WDR83: variants seen among roughly 807,000 people sequenced by gnomAD.
The protein encoded by WDR83 is WD repeat domain-containing protein 83.
WDR83 carries 37 observed loss-of-function variants against 37.7 expected under a neutral mutation model. The observed-to-expected ratio is 0.98, with a 90% confidence interval of 0.76 to 1.29. The LOEUF is 1.29. WDR83 is among the 50% of genes most tolerant of loss of function. WDR83 has a pLI of 0.00. For synonymous variants in WDR83, 174 were observed against 181.1 expected, an observed-to-expected ratio of 0.96 and a Z score of 0.31; for missense variants, 445 against 414.4, an observed-to-expected ratio of 1.07 and a Z score of -0.64.
chr19:12,670,371 G>GTCCCC, intron 5 of WDR83, 86 bp downstream of exon 5: 2 of 1,529,564 alleles, frequency 1.3e-6, no homozygotes, highest in Non-Finnish European at 1.8e-6. Flanking sequence ...CCATTACACC[G>GTCCCC]TAAGGATCCC....
chr19:12,666,934 T>C lies in WDR83; in HGVS notation c.-215T>C, dbSNP rs981897247. On this transcript the variant is annotated 5_prime_UTR_variant, in exon 1 of 11. Transcript: ENST00000418543. ...AAGGTGACACTGGCGTCTCACGGGC[T>C]ATGAAGACGGAATGCCTCTTAATGC... The C allele has an allele frequency of 3.5e-6, 2 of 571,770 alleles. No individual in the cohort carries two copies. Among genetic ancestry groups the C allele is most frequent in the African/African-American group, 3.9e-5 (2 of 51,740 alleles). The allele number at this position is 571,770 out of a possible 1,614,324, so 35.4% of individuals were successfully genotyped here. A position where few individuals can be genotyped will look rare whatever the true frequency, so the allele number is the denominator to read the frequency against.
At chr19:12,671,671 A>C (rs189427743) in intron 7 of WDR83, among the ~76,000 whole-genome samples, 8 of 152,302 alleles carry the variant, frequency 5.3e-5, no homozygotes, top group African/African-American at 1.7e-4. Context: ...AAATTAAATA[A>C]ATAAATACAT....
At chr19:12,669,186 G>T in intron 2 of WDR83, 1 of 1,614,148 alleles carries the variant, frequency 6.2e-7, no homozygotes, top group Non-Finnish European at 8.5e-7. Flanking sequence ...GTAGTCCGGC[G>T]TCGGGTCGTC....
In WDR83 at chr19:12,670,290, G is replaced by A. The variant is rs758603662; in HGVS notation, c.330+5G>A. 19 of 1,612,974 alleles carry A rather than the reference G, an allele frequency of 1.2e-5. No individual in the cohort carries two copies. In the Admixed American group the frequency reaches 2.2e-4, roughly 18 times the overall value. ...AAATTCCGGGGCCACGCAGGGGTGAGTGAAAGCCTGGAGACCCTCATTTGA... is the reference window on the plus strand; with the variant it reads ...AAATTCCGGGGCCACGCAGGGGTGAATGAAAGCCTGGAGACCCTCATTTGA... On this transcript the variant is annotated splice_donor_5th_base_variant and intron_variant, in intron 5 of 10. Coordinates refer to ENST00000418543, the MANE Select transcript of WDR83 (RefSeq NM_001099737.3).
chr19:12,674,738 T>C (rs2024520154), intron 10 of WDR83, among the ~76,000 whole-genome samples: 2 of 151,936 alleles, frequency 1.3e-5, no homozygotes, highest in Admixed American at 1.3e-4. Context: ...CCAAACATGG[T>C]AGTGGCAGAA....
rs757880389 is a variant in WDR83 at position 12,670,285 on chromosome 19, GGTGA to G, written c.330+5_330+8del. On this transcript the variant is annotated splice_donor_variant and splice_donor_region_variant and intron_variant, in intron 5 of 10. Coordinates refer to ENST00000418543, the MANE Select transcript of WDR83 (RefSeq NM_001099737.3). LOFTEE classifies it high-confidence loss of function. ...TGCGCAAATTCCGGGGCCACGCAGGGGTGAGTGAAAGCCTGGAGACCCTCATTTG... is the reference window on the plus strand; with the variant it reads ...TGCGCAAATTCCGGGGCCACGCAGGGGTGAAAGCCTGGAGACCCTCATTTG... The G allele has an allele frequency of 5.0e-6, 8 of 1,613,664 alleles. No individual in the cohort carries two copies. The highest frequency in any genetic ancestry group is 1.7e-4 in the Middle Eastern group (1 of 6,060).
At chr19:12,667,239 G>A (rs1173719179) in intron 1 of WDR83, among the ~76,000 whole-genome samples, 6 of 152,188 alleles carry the variant, frequency 3.9e-5, no homozygotes, top group African/African-American at 1.4e-4. Flanking sequence ...GTTCCGGAGA[G>A]AAAAGAGGGT....
At chr19:12,674,074 C>T (rs1042016175) in intron 10 of WDR83, among the ~76,000 whole-genome samples, 6 of 152,174 alleles carry the variant, frequency 3.9e-5, no homozygotes, top group Admixed American at 2.0e-4. Context: ...GTGTAGCCTG[C>T]GCATGCATCA....
chr19:12,668,048 C>A, intron 1 of WDR83: 1 of 324,892 alleles, frequency 3.1e-6, no homozygotes, highest in Non-Finnish European at 6.0e-6. Context: ...GAGGAACACC[C>A]CACTGAACAG....
chr19:12,670,904 C>T lies in WDR83; in HGVS notation c.506+83C>T, dbSNP rs935818672. 21 of 1,528,332 alleles carry T rather than the reference C, an allele frequency of 1.4e-5. No homozygotes were observed. The African/African-American group carries it at 2.2e-4, about 16-fold the overall frequency. The allele number at this position is 1,528,332 out of a possible 1,614,324, so 94.7% of individuals were successfully genotyped here. ...CCATGCTCAGATTAAAACCTACTCT[C>T]AGCTGGGCACAGTGGCACACAGCTG... is the stretch of plus-strand genomic sequence containing the variant. On this transcript the variant is annotated intron_variant, in intron 7 of 10. Coordinates refer to ENST00000418543, the MANE Select transcript of WDR83 (RefSeq NM_001099737.3).
chr19:12,674,084 A>G (rs1344865875), intron 10 of WDR83, among the ~76,000 whole-genome samples: 1 of 152,214 alleles, frequency 6.6e-6, no homozygotes, highest in Non-Finnish European at 1.5e-5. Context: ...CGCATGCATC[A>G]GTCAGGAAAC....
intron 10 of WDR83, 74 bp from the exon 11 acceptor site, chr19:12,675,449 G>T: frequency 6.4e-7 from 1 of 1,554,758 alleles, no homozygotes; most frequent in Non-Finnish European, 8.7e-7. Context: ...ACTGAGATGG[G>T]GGGTGCCCAG....
chr19:12,669,191 G>A (rs1599365248), intron 2 of WDR83: 1 of 1,614,054 alleles, frequency 6.2e-7, no homozygotes. Flanking sequence ...CCGGCGTCGG[G>A]TCGTCCAAGG....
intron 5 of WDR83, 80 bp downstream of exon 5, chr19:12,670,365 T>C (rs545039629): frequency 6.5e-7 from 1 of 1,540,544 alleles, no homozygotes; most frequent in African/African-American, 1.4e-5. Context: ...CCACCCCCAT[T>C]ACACCGTAAG....
chr19:12,669,892 T>A lies in WDR83; in HGVS notation c.102T>A (p.Asn34Lys). The A allele has an allele frequency of 6.2e-7, 1 of 1,606,276 alleles. No homozygotes were observed. Among genetic ancestry groups the A allele is most frequent in the Non-Finnish European group, 8.5e-7 (1 of 1,174,380 alleles). ...GQGAVRAVRFNVDGNYCLTCG... is the reference protein window; with the variant it reads ...GQGAVRAVRFKVDGNYCLTCG... ...GGGCAGTGCGAGCCGTACGATTTAATGGTGAGCGCCTTCGTCTTCATTCCG... is the reference window on the plus strand; with the variant it reads ...GGGCAGTGCGAGCCGTACGATTTAAAGGTGAGCGCCTTCGTCTTCATTCCG... The change falls in exon 3 of 11, where the codon AAT (asparagine) becomes AAA (lysine). Residue 34 changes from asparagine (N) to lysine (K), a missense_variant and splice_region_variant. By Grantham distance (94) the Asn-to-Lys change is moderately conservative (BLOSUM62 0). Coordinates refer to ENST00000418543, the MANE Select transcript of WDR83 (RefSeq NM_001099737.3).
intron 2 of WDR83, chr19:12,669,460 T>G: frequency 1.3e-6 from 2 of 1,556,196 alleles, no homozygotes; most frequent in South Asian, 2.4e-5. Context: ...GCTTCCGGCG[T>G]GCAAGCTGAG....
chr19:12,673,558 T>C (rs1162658288), intron 10 of WDR83, among the ~76,000 whole-genome samples: 1 of 151,878 alleles, frequency 6.6e-6, no homozygotes, highest in Non-Finnish European at 1.5e-5. Flanking sequence ...GTTGGGATTA[T>C]AGGTGCGTGC....
chr19:12,669,310 A>G (rs1271805136), intron 2 of WDR83: 6 of 1,606,202 alleles, frequency 3.7e-6, no homozygotes, highest in Non-Finnish European at 5.1e-6. Flanking sequence ...GCCCCGATCC[A>G]CACCCACAAC....
Position 12,670,000 on chromosome 19 carries a change from T to G in WDR83, c.127T>G (p.Cys43Gly), listed in dbSNP as rs1374025567. Residue 43 changes from cysteine to glycine, a missense_variant, in exon 4 of 11, where the codon TGC (cysteine) becomes GGC (glycine). Transcript: ENST00000418543. ...AGTGGATGGCAATTACTGCCTGACG[T>G]GCGGCAGTGACAAGACGCTGAAGCT... is the stretch of plus-strand genomic sequence containing the variant. ...FNVDGNYCLT[C>G]GSDKTLKLWN... The G allele has an allele frequency of 6.2e-7, 1 of 1,612,030 alleles. No individual in the cohort carries two copies. The highest frequency in any genetic ancestry group is 2.2e-5 in the East Asian group (1 of 44,796).
Sources: allele counts gnomAD v4.1 joint callset (sites outside exome capture counted in the v4.1 genomes callset), GRCh38; gene constraint gnomAD v4.1.1; transcripts MANE v1.5; gene names NCBI Gene and HGNC (gene_info 2026-07-23, HGNC 2026-07-21).